DNHD1: variants seen among roughly 807,000 people sequenced by gnomAD.
DNHD1 encodes the protein dynein heavy chain domain 1.
In DNHD1, 383 loss-of-function variants were observed where a neutral mutation model predicts 458.1. That is an observed-to-expected ratio of 0.84 (90% CI 0.77 to 0.91). The LOEUF (loss-of-function observed/expected upper bound fraction) is 0.91, where lower values mean the gene tolerates loss of function less well. DNHD1 is among the 40% of genes least tolerant of loss of function. DNHD1 has a pLI of 0.00. For missense variants in DNHD1, 5,336 were observed against 5,866.1 expected (o/e 0.91, Z 2.95); for synonymous variants, 2,203 against 2,376.9 (o/e 0.93, Z 2.13).
chr11:6,514,000 C>T (rs112610697), intron 7 of DNHD1, among the ~76,000 whole-genome samples: 29 of 152,204 alleles, frequency 1.9e-4, no homozygotes, highest in Middle Eastern at 6.8e-3. Flanking sequence ...CCTGCCACCA[C>T]GCCCGACTAA....
At chr11:6,569,012 A>T (rs1352777060) in intron 39 of DNHD1, 146 bp downstream of exon 39, 3 of 1,034,546 alleles carry the variant, frequency 2.9e-6, no homozygotes, top group Non-Finnish European at 4.1e-6. Flanking sequence ...TTCTCCAAAG[A>T]CTTTGAGATT....
chr11:6,520,938 A>G lies in DNHD1; in HGVS notation c.1837+649A>G, dbSNP rs946374657. 5 of 926,418 alleles carry G rather than the reference A, an allele frequency of 5.4e-6. No homozygotes were observed. The African/African-American group carries it at 7.1e-5, about 13-fold the overall frequency. The allele number at this position is 926,418 out of a possible 1,614,324, so 57.4% of individuals were successfully genotyped here. A position where few individuals can be genotyped will look rare whatever the true frequency, so the allele number is the denominator to read the frequency against. ...CTGTTCATTAAGAAGATTTAAAGAC[A>G]TAACGTTAATTTTAGGGAATAGGTG... On this transcript the variant is annotated intron_variant, in intron 10 of 42. Transcript: ENST00000254579.
chr11:6,548,247 A>G lies in DNHD1; in HGVS notation c.6943A>G (p.Ile2315Val). The G allele has an allele frequency of 3.9e-6, 6 of 1,551,686 alleles. No homozygotes were observed. The highest frequency in any genetic ancestry group is 1.7e-6 in the Non-Finnish European group (2 of 1,146,992). The change falls in exon 23 of 43, where the codon ATT becomes GTT. Residue 2315 changes from isoleucine (I) to valine (V), a missense_variant. Around this residue, in one of 4 missense-constraint regions of DNHD1, gnomAD observed 3,932 missense variants for 4,365.6 expected, o/e 0.90. Coordinates refer to ENST00000254579, the MANE Select transcript of DNHD1 (RefSeq NM_144666.3). The surrounding 1 kb of genome is among the most constrained non-coding windows in gnomAD (Gnocchi z 4.4). ...CTTTGATACCTTCATAAGGGATTCTATTAGTCGCCTCTCCAACTACCCTGA... is the reference window on the plus strand; with the variant it reads ...CTTTGATACCTTCATAAGGGATTCTGTTAGTCGCCTCTCCAACTACCCTGA... ...PIFDTFIRDS[I>V]SRLSNYPEPP...
chr11:6,570,030 G>A lies in DNHD1; in HGVS notation c.12885G>A (p.Gln4295=), dbSNP rs201086340. ...CTAGGAGTCAAGTGACTCTAACCCA[G>A]GTTCTTCAGACCCAAGACCAGCTGT... ...RGRWSQVTLT[Q]VLQTQDQLWA... is the part of the protein sequence containing the mutation. Residue 4295 remains glutamine, a synonymous_variant, in exon 40 of 43, where the codon CAG becomes CAA. Coordinates refer to ENST00000254579, the MANE Select transcript of DNHD1 (RefSeq NM_144666.3). 1.5e-3 allele frequency: 2,483 copies of A among 1,613,896 alleles called. 2 individuals carry two copies. The highest frequency in any genetic ancestry group is 1.9e-3 in the Non-Finnish European group (2,245 of 1,179,848).
chr11:6,518,668 G>A (rs540274111), intron 7 of DNHD1, among the ~76,000 whole-genome samples: 1 of 152,170 alleles, frequency 6.6e-6, no homozygotes, highest in Non-Finnish European at 1.5e-5. Flanking sequence ...CAAAATGATG[G>A]TGCATTGGAC....
In DNHD1 at chr11:6,557,066, C is replaced by G; in HGVS notation, c.7771C>G (p.Leu2591Val). The G allele has an allele frequency of 6.4e-7, 1 of 1,551,744 alleles. No individual in the cohort carries two copies. The change falls in exon 25 of 43, where the codon CTA becomes GTA. Residue 2591 changes from leucine to valine, a missense_variant. Around this residue, in one of 4 missense-constraint regions of DNHD1, gnomAD observed 3,932 missense variants for 4,365.6 expected, o/e 0.90. Coordinates refer to ENST00000254579, the MANE Select transcript of DNHD1 (RefSeq NM_144666.3). ...CCTCCACCCACACTACCACTTCTCCCTACACTCTGTGAGCCACCTACTGAG... is the reference window on the plus strand; with the variant it reads ...CCTCCACCCACACTACCACTTCTCCGTACACTCTGTGAGCCACCTACTGAG... ...SPLHPHYHFSLHSVSHLLSSL... is the reference protein window; with the variant it reads ...SPLHPHYHFSVHSVSHLLSSL...
intron 3 of DNHD1, among the ~76,000 whole-genome samples, chr11:6,500,997 G>C (rs979944426): frequency 1.3e-5 from 2 of 151,910 alleles, no homozygotes; most frequent in African/African-American, 2.4e-5. Flanking sequence ...GAAAGCATGT[G>C]GGGGGAGTGT....
chr11:6,571,814 C>A lies in DNHD1; in HGVS notation c.14090C>A (p.Pro4697Gln), dbSNP rs1163285890. Residue 4697 changes from proline to glutamine, a missense_variant, in exon 43 of 43, where the codon CCA becomes CAA. Physicochemically the swap from Pro to Gln is moderately conservative, Grantham distance 76. This residue lies in a region of DNHD1 where 698 missense variants were observed against 664.9 expected (regional missense o/e 1.05). Transcript: ENST00000254579. The surrounding 1 kb of genome is among the most constrained non-coding windows in gnomAD (Gnocchi z 5.0). ...CAGGCCCCGGGCACCAGTGACCTGC[C>A]AGCCCCAGCCGACCTGACTGTGTAC... The part of the protein sequence containing the change: ...STQAPGTSDL[P>Q]APADLTVYSC... 2 of 1,614,010 alleles carry A rather than the reference C, an allele frequency of 1.2e-6. No homozygotes were observed. Among genetic ancestry groups the A allele is most frequent in the East Asian group, 2.2e-5 (1 of 44,880 alleles).
intron 18 of DNHD1, 116 bp from the exon 19 acceptor site, chr11:6,544,005 A>G: frequency 1.3e-6 from 1 of 746,210 alleles, no homozygotes; most frequent in Non-Finnish European, 2.1e-6. Context: ...AAAGACAGAA[A>G]GGGCATCAGG....
At chr11:6,515,117 C>A (rs565270616) in intron 7 of DNHD1, among the ~76,000 whole-genome samples, 1 of 152,210 alleles carries the variant, frequency 6.6e-6, no homozygotes, top group East Asian at 1.9e-4. Context: ...CTCTTAAAGA[C>A]CCCATCTCTT....
chr11:6,566,215 A>G, intron 33 of DNHD1, 26 bp from the exon 34 acceptor site: 1 of 1,548,684 alleles, frequency 6.5e-7, no homozygotes, highest in Non-Finnish European at 8.7e-7. Flanking sequence ...CATTGTGGGT[A>G]GGGTGCCTTT....
At chr11:6,566,536 C>T (rs1242545067) in intron 34 of DNHD1, 51 bp from the exon 35 acceptor site, 1 of 1,599,810 alleles carries the variant, frequency 6.3e-7, no homozygotes, top group Non-Finnish European at 8.5e-7. Flanking sequence ...CTACTCTACC[C>T]CCTGGCTCTG....
At chr11:6,531,109 G>A (rs765091860) in intron 12 of DNHD1, among the ~76,000 whole-genome samples, 39 of 152,174 alleles carry the variant, frequency 2.6e-4, no homozygotes, top group Non-Finnish European at 4.4e-4. Context: ...CATGCAGTAG[G>A]TGCTTAATAT....
At position 6,546,686 on chromosome 11, in the gene DNHD1, T is replaced by C; in HGVS notation, c.5747T>C (p.Leu1916Pro). Reference sequence around the variant, plus strand: ...GAGGCTGCCCTACTGCGCTCACCACTGTTTAGCATTCTCAATGGGCTCCAC... The same window carrying C: ...GAGGCTGCCCTACTGCGCTCACCACCGTTTAGCATTCTCAATGGGCTCCAC... ...IEEAALLRSP[L>P]FSILNGLHLH... The change falls in exon 21 of 43, where the codon CTG (leucine) becomes CCG (proline). Residue 1916 changes from leucine (L) to proline (P), a missense_variant. Coordinates refer to ENST00000254579, the MANE Select transcript of DNHD1 (RefSeq NM_144666.3). 2 of 1,551,824 alleles carry C rather than the reference T, an allele frequency of 1.3e-6. No individual in the cohort carries two copies. The highest frequency in any genetic ancestry group is 1.7e-6 in the Non-Finnish European group (2 of 1,147,010).
Position 6,568,195 on chromosome 11 carries a change from C to T in DNHD1, c.12491C>T (p.Pro4164Leu), listed in dbSNP as rs137889039. ...AACTGTCATCTGATGCCCCATTGGC[C>T]GAAAGAGCTGCTACAGCTCTTGCTG... Reference protein sequence around the residue: ...LDNCHLMPHWPKELLQLLLEL... With the variant: ...LDNCHLMPHWLKELLQLLLEL... Residue 4164 changes from proline to leucine, a missense_variant, in exon 37 of 43, where the codon CCG becomes CTG. By Grantham distance (98) the Pro-to-Leu change is moderately conservative. Around this residue, in one of 4 missense-constraint regions of DNHD1, gnomAD observed 695 missense variants for 804.2 expected, o/e 0.86. Transcript: ENST00000254579. 1.9e-3 allele frequency: 2,952 copies of T among 1,552,344 alleles called. 2 individuals are homozygous for T. Among genetic ancestry groups the T allele is most frequent in the Admixed American group, 3.0e-3 (155 of 51,066 alleles).
chr11:6,564,835 G>C, intron 32 of DNHD1, 31 bp downstream of exon 32: 1 of 1,457,342 alleles, frequency 6.9e-7, no homozygotes, highest in Non-Finnish European at 9.2e-7. Flanking sequence ...CAATGCTTCC[G>C]GAGTATCTGA....
chr11:6,541,721 A>T (rs1456296461), intron 18 of DNHD1, among the ~76,000 whole-genome samples: 1 of 152,248 alleles, frequency 6.6e-6, no homozygotes, highest in African/African-American at 2.4e-5. Context: ...TAGTAACATA[A>T]TTAGATTTTA....
intron 41 of DNHD1, 45 bp from the exon 42 acceptor site, chr11:6,570,573 G>T (rs1853821431): frequency 6.5e-7 from 1 of 1,534,064 alleles, no homozygotes; most frequent in Admixed American, 2.0e-5. Context: ...AGTCTAGGGT[G>T]GGGAGAGTCC....
chr11:6,520,912 T>C (rs1039213986), intron 10 of DNHD1: 145 of 960,952 alleles, frequency 1.5e-4, no homozygotes, highest in Non-Finnish European at 1.7e-4. Context: ...TCAACTTCTA[T>C]CTGTTCATTA....
Sources: gnomAD v4.1 joint callset for allele counts (sites outside exome capture counted in the v4.1 genomes callset) on GRCh38, gnomAD v4.1.1 for gene constraint, gnomAD v4.1.1 regional missense constraint, Gnocchi (gnomAD v3.1) non-coding constraint, MANE v1.5 for transcripts, NCBI Gene and HGNC (gene_info 2026-07-23, HGNC 2026-07-21) for gene names.